The following EPB41L4A variants were observed in gnomAD, a reference collection of about 807,000 sequenced individuals.
The protein encoded by EPB41L4A is band 4.1-like protein 4A.
A neutral mutation model predicts 108.6 loss-of-function variants in EPB41L4A; 100 were observed. That is an observed-to-expected ratio of 0.92 (90% CI 0.78 to 1.09). The LOEUF is 1.09. Among genes scored for constraint, EPB41L4A ranks in the 50% least tolerant of loss-of-function variants. EPB41L4A has a pLI of 0.00. For missense variants in EPB41L4A, 1,030 were observed against 842.7 expected (o/e 1.22, Z -2.75); for synonymous variants, 319 against 289.0 (o/e 1.10, Z -1.05).
intron 9 of EPB41L4A, among the ~76,000 whole-genome samples, chr5:112,252,726 C>T (rs78421641): frequency 0.12 from 18,566 of 152,022 alleles, 1,268 homozygotes; most frequent in African/African-American, 0.16. Context: ...GAAGAACCAC[C>T]TGTTGGGTAC....
At chr5:112,419,528 C>A, upstream of EPB41L4A, 1 of 417,042 alleles carries the variant, frequency 2.4e-6, no homozygotes, top group South Asian at 1.7e-5. Context: ...GATCGGCCTG[C>A]GGAGTCCCCC....
At chr5:112,169,959 A>G in intron 20 of EPB41L4A, 1 of 266,174 alleles carries the variant, frequency 3.8e-6, no homozygotes, top group Non-Finnish European at 7.1e-6. Flanking sequence ...CTCATATGAG[A>G]GTTTTATGGT....
chr5:112,194,576 CT>C lies in EPB41L4A; in HGVS notation c.1493del (p.Lys498ArgfsTer22). Reference sequence around the variant, plus strand: ...TAATATTGAGATATTACCTGTTTCTCTTTTTCCGGTATTCTCTATTAGAATT... The same window carrying C: ...TAATATTGAGATATTACCTGTTTCTCTTTTCCGGTATTCTCTATTAGAATT... ...SENSNREYRKKRNRIRQENDM... is the reference protein window; with the variant it reads ...SENSNREYRKXRNRIRQENDM... On this transcript the variant is annotated frameshift_variant, in exon 17 of 23. Transcript: ENST00000261486. LOFTEE classifies it high-confidence loss of function. The C allele has an allele frequency of 3.8e-6, 6 of 1,587,918 alleles. No individual in the cohort carries two copies. The highest frequency in any genetic ancestry group is 3.4e-5 in the Admixed American group (2 of 58,590).
intron 2 of EPB41L4A, among the ~76,000 whole-genome samples, chr5:112,280,998 G>A (rs1036731672): frequency 5.9e-5 from 9 of 152,188 alleles, no homozygotes; most frequent in African/African-American, 1.9e-4. Context: ...TCAGCACAGT[G>A]GCTGAGGGCC....
chr5:112,321,550 T>C (rs371994946), intron 1 of EPB41L4A, among the ~76,000 whole-genome samples: 18 of 152,210 alleles, frequency 1.2e-4, no homozygotes, highest in East Asian at 9.6e-4. Context: ...AATAACAGCA[T>C]AGCTTATTAC....
intron 12 of EPB41L4A, among the ~76,000 whole-genome samples, chr5:112,231,932 C>T (rs1457454105): frequency 6.6e-6 from 1 of 150,826 alleles, no homozygotes; most frequent in East Asian, 2.0e-4. Flanking sequence ...CAGCAAGACC[C>T]CATCTCTACA....
chr5:112,183,854 T>G (rs1435111379), intron 18 of EPB41L4A, among the ~76,000 whole-genome samples, 162 bp downstream of exon 18: 1 of 152,212 alleles, frequency 6.6e-6, no homozygotes, highest in Non-Finnish European at 1.5e-5. Context: ...CTTCTATGGC[T>G]TCAAACATGG....
At chr5:112,314,610 C>A (rs1755308007) in intron 1 of EPB41L4A, among the ~76,000 whole-genome samples, 1 of 149,436 alleles carries the variant, frequency 6.7e-6, no homozygotes, top group Admixed American at 6.7e-5. Flanking sequence ...AGATTAAGAC[C>A]ATCCTGGCTA....
chr5:112,303,342 G>A (rs944742308), intron 2 of EPB41L4A, among the ~76,000 whole-genome samples: 4 of 152,140 alleles, frequency 2.6e-5, no homozygotes, highest in African/African-American at 9.7e-5. Context: ...CTCGGGGGCA[G>A]GGAAGAGAAT....
intron 1 of EPB41L4A, among the ~76,000 whole-genome samples, chr5:112,412,562 T>C (rs1046466872): frequency 1.2e-4 from 19 of 152,234 alleles, no homozygotes; most frequent in African/African-American, 4.6e-4. Flanking sequence ...GTAAACTGAC[T>C]GGTTCCTGAA....
At position 112,167,543 on chromosome 5, in the gene EPB41L4A, AG is replaced by A. The variant is rs201525994; in HGVS notation, c.1932+1195del. Among the ~76,000 whole-genome samples the A allele has an allele frequency of 7.3e-4, 111 of 152,228 alleles. No homozygotes were observed. The East Asian group carries it at 0.013, about 18-fold the overall frequency. ...CTCCCCAGGAACTGCCCTCAGTTGA[AG>A]AGAAATCCCCCTTCCCAGAACATCC... On this transcript the variant is annotated intron_variant, in intron 22 of 22. Transcript: ENST00000261486.
chr5:112,214,860 G>GTT (rs1747501809), intron 12 of EPB41L4A, among the ~76,000 whole-genome samples: 1 of 152,094 alleles, frequency 6.6e-6, no homozygotes, highest in Admixed American at 6.5e-5. Context: ...TCTAGATAAA[G>GTT]TTAAACAGTT....
chr5:112,257,051 C>T (rs1448638182), intron 9 of EPB41L4A: 1 of 152,168 alleles, frequency 6.6e-6, no homozygotes, highest in Non-Finnish European at 1.5e-5. Flanking sequence ...GCAGAATAAG[C>T]ATTTCAACCA....
intron 18 of EPB41L4A, among the ~76,000 whole-genome samples, chr5:112,179,596 A>G (rs907279795): frequency 6.6e-6 from 1 of 152,186 alleles, no homozygotes; most frequent in Non-Finnish European, 1.5e-5. Flanking sequence ...CAGATGCAGA[A>G]AAAGTTTATA....
chr5:112,364,149 C>T (rs1199397896), intron 1 of EPB41L4A, among the ~76,000 whole-genome samples: 1 of 152,162 alleles, frequency 6.6e-6, no homozygotes, highest in Non-Finnish European at 1.5e-5. Context: ...GCCTCAGCCT[C>T]CCGAGTAGCT....
At chr5:112,213,463 C>T (rs1747375967) in intron 12 of EPB41L4A, among the ~76,000 whole-genome samples, 1 of 151,964 alleles carries the variant, frequency 6.6e-6, no homozygotes, top group Non-Finnish European at 1.5e-5. Flanking sequence ...ATTCCCTTAC[C>T]TCAGCCTCAT....
At chr5:112,410,978 C>T (rs1187449989) in intron 1 of EPB41L4A, among the ~76,000 whole-genome samples, 1 of 152,112 alleles carries the variant, frequency 6.6e-6, no homozygotes, top group Non-Finnish European at 1.5e-5. Flanking sequence ...TGTCACTGAC[C>T]CGCCCTGAAC....
rs117170361 is a variant in EPB41L4A, at chr5:112,369,311, C to A, written c.99+49630G>T. Among the ~76,000 whole-genome samples the A allele has an allele frequency of 1.4e-3, 218 of 152,334 alleles. 7 individuals carry two copies. The East Asian group carries it at 0.04, about 28-fold the overall frequency. On this transcript the variant is annotated intron_variant, in intron 1 of 22. Coordinates refer to ENST00000261486, the MANE Select transcript of EPB41L4A (RefSeq NM_022140.5). ...TATCTCTTGTGTGGACCACAGCAGTCTCCTAACACAGCTTCCTGCCTCTAG... is the reference window on the plus strand; with the variant it reads ...TATCTCTTGTGTGGACCACAGCAGTATCCTAACACAGCTTCCTGCCTCTAG...
At chr5:112,398,171 A>T (rs1463104861) in intron 1 of EPB41L4A, among the ~76,000 whole-genome samples, 1 of 152,216 alleles carries the variant, frequency 6.6e-6, no homozygotes, top group African/African-American at 2.4e-5. Flanking sequence ...ACTTAGTCCA[A>T]CCCATTCAAT....
Sources: gnomAD v4.1 joint callset for allele counts (sites outside exome capture counted in the v4.1 genomes callset) on GRCh38, gnomAD v4.1.1 for gene constraint, MANE v1.5 for transcripts, NCBI Gene and HGNC (gene_info 2026-07-23, HGNC 2026-07-21) for gene names.